Variants in RHOC observed in about 807,000 individuals in gnomAD.
RHOC encodes ras homolog family member C.
RHOC carries 13 observed loss-of-function variants against 19.5 expected under a neutral mutation model. The observed-to-expected ratio is 0.67, with a 90% CI of 0.43 to 1.06. RHOC has a LOEUF of 1.06. RHOC is among the 50% of genes least tolerant of loss of function. The pLI is 0.00. For missense variants in RHOC, 173 were observed against 256.9 expected (o/e 0.67, Z 2.23); for synonymous variants, 106 against 97.3 (o/e 1.09, Z -0.52).
At chr1:112,702,524 AT>A in intron 5 of RHOC, 38 bp downstream of exon 5, 1 of 1,608,976 alleles carries the variant, frequency 6.2e-7, no homozygotes, top group Non-Finnish European at 8.5e-7. Context: ...CAGAGGGTGC[AT>A]TCTTCCCCAG....
At chr1:112,702,721 G>C (rs776191418) in intron 4 of RHOC, 28 bp from the exon 5 acceptor site, 2 of 1,613,186 alleles carry the variant, frequency 1.2e-6, no homozygotes, top group Middle Eastern at 1.7e-4. Context: ...AACAGGTGTC[G>C]GTGCCTCCAC....
intron 2 of RHOC, chr1:112,704,646 G>T (rs1416432498): frequency 5.3e-6 from 1 of 187,046 alleles, no homozygotes; most frequent in African/African-American, 2.3e-5. Flanking sequence ...AGAGGACAGG[G>T]GTAGCAGCCA....
At chr1:112,706,409 TTCTCTCTC>T (rs533417679) in intron 1 of RHOC, among the ~76,000 whole-genome samples, 2 of 131,396 alleles carry the variant, frequency 1.5e-5, no homozygotes, top group East Asian at 2.2e-4. Context: ...CAATCTCATT[TTCTCTCTC>T]TCTCTCTCTC....
At chr1:112,702,738 T>G in intron 4 of RHOC, 45 bp from the exon 5 acceptor site, 1 of 1,611,654 alleles carries the variant, frequency 6.2e-7, no homozygotes, top group Non-Finnish European at 8.5e-7. Context: ...CCACTTAAGC[T>G]AGAAAGCTCC....
chr1:112,703,767 A>C lies in RHOC; in HGVS notation c.33T>G (p.Val11=). Reference sequence around the variant, plus strand: ...AGGTCTTCCCACAGGCACCATCCCCAACGATCACCAGCTTCTTTCGGATTG... The same window carrying C: ...AGGTCTTCCCACAGGCACCATCCCCCACGATCACCAGCTTCTTTCGGATTG... MAAIRKKLVI[V]GDGACGKTCL... Residue 11 remains valine (V), a synonymous_variant, in exon 3 of 6, where the codon GTT becomes GTG. Transcript: ENST00000339083. 1 of 1,612,686 alleles carries C rather than the reference A, an allele frequency of 6.2e-7. No homozygotes were observed. The highest frequency in any genetic ancestry group is 8.5e-7 in the Non-Finnish European group (1 of 1,179,616).
chr1:112,703,855 A>G, intron 2 of RHOC, 49 bp from the exon 3 acceptor site: 1 of 1,559,054 alleles, frequency 6.4e-7, no homozygotes, highest in African/African-American at 1.3e-5. Flanking sequence ...ATTAAGTCCA[A>G]AAACACTTCT....
chr1:112,701,846 G>C lies in RHOC; in HGVS notation c.409-133C>G, dbSNP rs757017678. 2.4e-3 allele frequency: 2,085 copies of C among 866,066 alleles called. 6 individuals carry two copies. The highest frequency in any genetic ancestry group is 3.5e-3 in the Non-Finnish European group (1,923 of 552,358). 53.6% of individuals were successfully genotyped at this position (866,066 alleles called of 1,614,324 possible). On this transcript the variant is annotated intron_variant, in intron 5 of 5. Transcript: ENST00000339083. Reference sequence around the variant, plus strand: ...TGACCCAGAAAGCGCCCAGGCCCCAGCTACCCTGGGCAGCTTCGTGGCCAG... The same window carrying C: ...TGACCCAGAAAGCGCCCAGGCCCCACCTACCCTGGGCAGCTTCGTGGCCAG...
rs112360549 is a variant in RHOC, at chr1:112,703,305, G to A, written c.157-186C>T. 2,684 of 752,718 alleles carry A rather than the reference G, an allele frequency of 3.6e-3. 56 individuals carry two copies. The African/African-American group carries it at 0.041, about 11-fold the overall frequency. 46.6% of individuals were successfully genotyped at this position (752,718 alleles called of 1,614,324 possible). A position where few individuals can be genotyped will look rare whatever the true frequency, so the allele number is the denominator to read the frequency against. On this transcript the variant is annotated intron_variant, in intron 3 of 5. Coordinates refer to ENST00000339083, the MANE Select transcript of RHOC (RefSeq NM_175744.5). ...TCAGTTTGTTAAAGAAATCTAAGAC[G>A]TGTTTGACCCTTGAGTTGCCACTGT...
intron 3 of RHOC, 68 bp downstream of exon 3, chr1:112,703,576 T>C: frequency 7.9e-7 from 1 of 1,270,414 alleles, no homozygotes; most frequent in Non-Finnish European, 1.1e-6. Flanking sequence ...GGGAAGGACA[T>C]ACTAGGTCAT....
In RHOC at chr1:112,701,279, G is replaced by C; in HGVS notation, c.*261C>G. The C allele has an allele frequency of 1.1e-6, 1 of 902,342 alleles. No individual in the cohort carries two copies. Among genetic ancestry groups the C allele is most frequent in the Non-Finnish European group, 1.7e-6 (1 of 603,692 alleles). 55.9% of individuals were successfully genotyped at this position (902,342 alleles called of 1,614,324 possible). The stretch of plus-strand genomic sequence containing the variant: ...CCAGAAGTGTATAAAGTGCTGGTGT[G>C]TGACCATCCTTTGGGGAAGGTCAAA... On this transcript the variant is annotated 3_prime_UTR_variant, in exon 6 of 6. Coordinates refer to ENST00000339083, the MANE Select transcript of RHOC (RefSeq NM_175744.5).
intron 1 of RHOC, chr1:112,706,588 G>A (rs1303292159): frequency 6.6e-6 from 1 of 152,150 alleles, no homozygotes; most frequent in Non-Finnish European, 1.5e-5. Flanking sequence ...GCGGGCTCCA[G>A]GAACCGTCCA....
At chr1:112,703,557 G>A in intron 3 of RHOC, 87 bp downstream of exon 3, 2 of 1,075,756 alleles carry the variant, frequency 1.9e-6, no homozygotes, top group South Asian at 1.3e-5. Flanking sequence ...AAAGACAGGG[G>A]TAGGAATGGG....
At position 112,702,943 on chromosome 1, in the gene RHOC, C is replaced by T. The variant is rs903752797; in HGVS notation, c.277+56G>A. 8.0e-5 allele frequency: 129 copies of T among 1,603,302 alleles called. No individual in the cohort carries two copies. The African/African-American group carries it at 1.4e-3, about 17-fold the overall frequency. On this transcript the variant is annotated intron_variant, in intron 4 of 5. Transcript: ENST00000339083. ...AGATGACTGAAGACAGGCCAAGGCACGAGACCTCTGGCTGATTCCAAGGGG... is the reference window on the plus strand; with the variant it reads ...AGATGACTGAAGACAGGCCAAGGCATGAGACCTCTGGCTGATTCCAAGGGG...
At position 112,701,627 on chromosome 1, in the gene RHOC, C is replaced by T. The variant is rs1450806573; in HGVS notation, c.495G>A (p.Glu165=). 1.2e-6 allele frequency: 2 copies of T among 1,614,142 alleles called. No individual in the cohort carries two copies. The highest frequency in any genetic ancestry group is 2.2e-5 in the South Asian group (2 of 91,078). ...GYLECSAKTK[E]GVREVFEMAT... The stretch of plus-strand genomic sequence containing the variant: ...CCATCTCAAACACCTCCCGCACTCC[C>T]TCCTTGGTCTTGGCTGAGCACTCAA... The change falls in exon 6 of 6, where the codon GAG becomes GAA. Residue 165 remains glutamate, a synonymous_variant. Coordinates refer to ENST00000339083, the MANE Select transcript of RHOC (RefSeq NM_175744.5).
At chr1:112,705,752 C>A (rs1212067026) in intron 1 of RHOC, 1 of 439,800 alleles carries the variant, frequency 2.3e-6, no homozygotes, top group Non-Finnish European at 4.6e-6. Context: ...TAAAGATGGG[C>A]TGGGGTAGCC....
chr1:112,703,502 G>T, intron 3 of RHOC, 142 bp downstream of exon 3: 1 of 806,954 alleles, frequency 1.2e-6, no homozygotes, highest in Non-Finnish European at 2.1e-6. Context: ...TAAGACTGCA[G>T]ATTTACTTCC....
At chr1:112,703,623 G>GC in intron 3 of RHOC, 21 bp downstream of exon 3, 1 of 1,475,006 alleles carries the variant, frequency 6.8e-7, no homozygotes, top group Non-Finnish European at 9.3e-7. Context: ...GGTGGGGTGG[G>GC]AAGGGCATTT....
At chr1:112,706,482 A>ACACACACACACCCCCACAC (rs1674879652) in intron 1 of RHOC, among the ~76,000 whole-genome samples, 1 of 19,032 alleles carries the variant, frequency 5.3e-5, no homozygotes, top group Non-Finnish European at 9.1e-5. Context: ...ACACACACAC[A>ACACACACACACCCCCACAC]CACACACACA....
At chr1:112,706,452 CACACACACACA>C (rs1674856388) in intron 1 of RHOC, among the ~76,000 whole-genome samples, 5 of 45,004 alleles carry the variant, frequency 1.1e-4, no homozygotes, top group Admixed American at 2.5e-4. Flanking sequence ...CACACACACA[CACACACACACA>C]CCACACACAC....
Sources: allele counts gnomAD v4.1 joint callset (sites outside exome capture counted in the v4.1 genomes callset), GRCh38; gene constraint gnomAD v4.1.1; transcripts MANE v1.5; gene names NCBI Gene and HGNC (gene_info 2026-07-23, HGNC 2026-07-21).